The following TBC1D22A variants were observed in gnomAD, a reference collection of about 807,000 sequenced individuals.
The protein encoded by TBC1D22A is putative GTPase activator.
A neutral mutation model predicts 60.2 loss-of-function variants in TBC1D22A; 38 were observed. The observed-to-expected ratio is 0.63, with a 90% CI of 0.49 to 0.83. The LOEUF (loss-of-function observed/expected upper bound fraction) is 0.83, where lower values mean the gene tolerates loss of function less well. Among genes scored for constraint, TBC1D22A ranks in the 40% least tolerant of loss-of-function variants. The pLI is 0.00. For missense variants in TBC1D22A, 628 were observed against 701.0 expected, an observed-to-expected ratio of 0.90 and a Z score of 1.18; for synonymous variants, 302 against 281.7, an observed-to-expected ratio of 1.07 and a Z score of -0.72.
intron 8 of TBC1D22A, among the ~76,000 whole-genome samples, chr22:46,972,350 G>A (rs1033581310): frequency 3.3e-5 from 5 of 152,182 alleles, no homozygotes; most frequent in Admixed American, 3.3e-4. Context: ...CCCGCCCACG[G>A]GACCGGCTCT....
chr22:47,167,504 A>G (rs1030582548), intron 12 of TBC1D22A, among the ~76,000 whole-genome samples: 2 of 152,214 alleles, frequency 1.3e-5, no homozygotes, highest in African/African-American at 2.4e-5. Context: ...CAGCTCAGCA[A>G]GCATTACAGC....
At chr22:46,992,804 T>G (rs1278135454) in intron 9 of TBC1D22A, among the ~76,000 whole-genome samples, 1 of 152,164 alleles carries the variant, frequency 6.6e-6, no homozygotes, top group Non-Finnish European at 1.5e-5. Flanking sequence ...AGAGCCCAGC[T>G]TCTGTGTTCA....
intron 7 of TBC1D22A, among the ~76,000 whole-genome samples, chr22:46,898,452 G>C (rs959544961): frequency 5.3e-5 from 8 of 152,204 alleles, no homozygotes; most frequent in African/African-American, 1.7e-4. Flanking sequence ...GACAGGGCTG[G>C]ATATTGAGAA....
At chr22:47,007,091 A>G (rs2061617141) in intron 10 of TBC1D22A, among the ~76,000 whole-genome samples, 1 of 152,186 alleles carries the variant, frequency 6.6e-6, no homozygotes. Context: ...CCCCTTCTTC[A>G]GGCCAGAGAC....
chr22:47,172,336 A>G (rs2068515856), intron 12 of TBC1D22A, among the ~76,000 whole-genome samples: 1 of 152,244 alleles, frequency 6.6e-6, no homozygotes. Context: ...GTAATTTACT[A>G]CAGTAAATAA....
At chr22:46,908,947 G>A (rs1020954143) in intron 7 of TBC1D22A, among the ~76,000 whole-genome samples, 2 of 152,146 alleles carry the variant, frequency 1.3e-5, no homozygotes, top group African/African-American at 4.8e-5. Context: ...CCTCATGGAG[G>A]CTCCTGCTGT....
chr22:46,985,005 CA>C (rs1419253082), intron 9 of TBC1D22A, among the ~76,000 whole-genome samples: 1 of 152,088 alleles, frequency 6.6e-6, no homozygotes, highest in African/African-American at 2.4e-5. Flanking sequence ...GGGGGCCAGC[CA>C]AAGGCAGTTG....
At chr22:46,875,969 T>G (rs2067541751) in intron 4 of TBC1D22A, among the ~76,000 whole-genome samples, 1 of 152,086 alleles carries the variant, frequency 6.6e-6, no homozygotes, top group Non-Finnish European at 1.5e-5. Context: ...CCCCTGTCAT[T>G]GGCGCTCACA....
chr22:46,992,425 A>C (rs1403070288), intron 9 of TBC1D22A, among the ~76,000 whole-genome samples: 1 of 152,224 alleles, frequency 6.6e-6, no homozygotes, highest in African/African-American at 2.4e-5. Flanking sequence ...TCCCAGGAGG[A>C]GAGCAGGTGC....
chr22:47,003,022 T>C (rs1284139411), intron 10 of TBC1D22A, among the ~76,000 whole-genome samples: 1 of 152,116 alleles, frequency 6.6e-6, no homozygotes, highest in Non-Finnish European at 1.5e-5. Flanking sequence ...TTGCCTCTCT[T>C]TAGTAAAAAA....
chr22:47,100,628 C>G lies in TBC1D22A; in HGVS notation c.1330-10880C>G, dbSNP rs148398510. Among the ~76,000 whole-genome samples, 822 of 152,336 alleles carry G rather than the reference C, an allele frequency of 5.4e-3. 5 individuals are homozygous for G. The highest frequency in any genetic ancestry group is 0.019 in the African/African-American group (783 of 41,566). Reference sequence around the variant, plus strand: ...AAAGAGGTGCTCCTCTGCACACGCTCTCTCCTTTTTTGGCCTGCCACCATC... The same window carrying G: ...AAAGAGGTGCTCCTCTGCACACGCTGTCTCCTTTTTTGGCCTGCCACCATC... On this transcript the variant is annotated intron_variant, in intron 11 of 12. Transcript: ENST00000337137.
chr22:47,098,987 G>C (rs905901276), intron 11 of TBC1D22A, among the ~76,000 whole-genome samples: 8 of 152,186 alleles, frequency 5.3e-5, no homozygotes, highest in African/African-American at 1.9e-4. Flanking sequence ...GACTGCGGGG[G>C]CTCCTGAAGA....
intron 4 of TBC1D22A, among the ~76,000 whole-genome samples, chr22:46,873,922 G>C (rs192124896): frequency 6.6e-6 from 1 of 152,148 alleles, no homozygotes; most frequent in East Asian, 1.9e-4. Flanking sequence ...TCAGCCTCCT[G>C]AGTAGCTGGG....
At position 47,017,604 on chromosome 22, in the gene TBC1D22A, T is replaced by C. The variant is rs552279806; in HGVS notation, c.1202-19467T>C. ...AATGCCAGGTGGGGAGGGAGTGAGG[T>C]GGGGACACTCAGGCTTTGTGTGACC... On this transcript the variant is annotated intron_variant, in intron 10 of 12. Coordinates refer to ENST00000337137, the MANE Select transcript of TBC1D22A (RefSeq NM_014346.5). 2.4e-3 allele frequency among the ~76,000 whole-genome samples: 358 copies of C among 152,148 alleles called. 1 individual carries two copies. Among genetic ancestry groups the C allele is most frequent in the African/African-American group, 8.3e-3 (345 of 41,524 alleles).
intron 10 of TBC1D22A, among the ~76,000 whole-genome samples, chr22:47,016,573 C>T (rs1603012240): frequency 6.6e-6 from 1 of 152,204 alleles, no homozygotes; most frequent in Admixed American, 6.5e-5. Flanking sequence ...ACACCGAGCT[C>T]TTTGCCCGAT....
intron 4 of TBC1D22A, among the ~76,000 whole-genome samples, chr22:46,836,376 A>G (rs2147185437): frequency 6.6e-6 from 1 of 152,374 alleles, no homozygotes; most frequent in South Asian, 2.1e-4. Context: ...TTTGTGTGCG[A>G]TTGATGTTAA....
intron 5 of TBC1D22A, among the ~76,000 whole-genome samples, chr22:46,884,189 G>A (rs2067995167): frequency 6.6e-6 from 1 of 152,130 alleles, no homozygotes; most frequent in Non-Finnish European, 1.5e-5. Context: ...GTAGGAAAAG[G>A]GCTGGGATCA....
intron 5 of TBC1D22A, among the ~76,000 whole-genome samples, chr22:46,890,284 C>T (rs983808699): frequency 3.3e-5 from 5 of 151,914 alleles, no homozygotes; most frequent in African/African-American, 9.7e-5. Flanking sequence ...TTTGCAGTGA[C>T]CCGAGATCAT....
intron 7 of TBC1D22A, among the ~76,000 whole-genome samples, chr22:46,899,829 A>T (rs1243712509): frequency 1.3e-5 from 2 of 152,022 alleles, no homozygotes; most frequent in South Asian, 4.2e-4. Flanking sequence ...CTGTCATCCA[A>T]AGTGACATGG....
Sources: allele counts gnomAD v4.1 joint callset (sites outside exome capture counted in the v4.1 genomes callset), GRCh38; gene constraint gnomAD v4.1.1; transcripts MANE v1.5; gene names NCBI Gene and HGNC (gene_info 2026-07-23, HGNC 2026-07-21).